Variants in PRKG1 observed in about 807,000 individuals in gnomAD.
PRKG1 encodes the protein protein kinase cGMP-dependent 1.
Under a neutral mutation model 88.1 loss-of-function variants are expected in PRKG1, and 35 were observed. The observed-to-expected ratio is 0.40, with a 90% CI of 0.30 to 0.53. PRKG1 has a LOEUF of 0.53. Ranked by LOEUF, PRKG1 falls within the 20% of genes least tolerant of loss-of-function variation. The pLI is 0.59. For missense variants in PRKG1, 540 were observed against 839.8 expected (o/e 0.64, Z 4.41); for synonymous variants, 303 against 292.5 (o/e 1.04, Z -0.37).
intron 5 of PRKG1, 52 bp downstream of exon 5, chr10:51,907,622 C>G (rs1438113197): frequency 6.6e-7 from 1 of 1,510,898 alleles, no homozygotes; most frequent in Admixed American, 1.7e-5. Context: ...GCCTGCTTGG[C>G]TGGCTTCTTT....
At chr10:51,728,617 GGAATACATCT>G (rs1489402478) in intron 3 of PRKG1, among the ~76,000 whole-genome samples, 19 of 152,046 alleles carry the variant, frequency 1.2e-4, no homozygotes, top group African/African-American at 4.3e-4. Context: ...GTTATTTTAT[GGAATACATCT>G]GAACTAGTGC....
chr10:51,019,774 G>C (rs568234684), intron 1 of PRKG1, among the ~76,000 whole-genome samples: 1 of 151,774 alleles, frequency 6.6e-6, no homozygotes, highest in East Asian at 1.9e-4. Flanking sequence ...AGAATATGTA[G>C]AGAACTCCTG....
intron 5 of PRKG1, among the ~76,000 whole-genome samples, chr10:52,033,352 C>G (rs76892469): frequency 0.014 from 2,203 of 152,256 alleles, 45 homozygotes; most frequent in African/African-American, 0.049. Context: ...GTTGATAAAA[C>G]AACAGCACAC....
At chr10:51,629,990 C>T (rs945494144) in intron 3 of PRKG1, among the ~76,000 whole-genome samples, 5 of 152,214 alleles carry the variant, frequency 3.3e-5, no homozygotes, top group African/African-American at 9.6e-5. Flanking sequence ...CTGTATCTGC[C>T]GACTTGAACA....
chr10:51,107,802 C>A (rs1420275095), intron 1 of PRKG1, among the ~76,000 whole-genome samples: 8 of 115,958 alleles, frequency 6.9e-5, no homozygotes, highest in African/African-American at 2.1e-4. Context: ...CAGAGCAAAA[C>A]CCTGTCTCAA....
chr10:51,153,213 A>T lies in PRKG1; in HGVS notation c.361A>T (p.Asn121Tyr). The change falls in exon 2 of 18, where the codon AAC becomes TAC. Residue 121 changes from asparagine to tyrosine, a missense_variant. Coordinates refer to ENST00000373980, the MANE Select transcript of PRKG1 (RefSeq NM_006258.4). ...TATCCTTGACAATGACTTTATGAAG[A>T]ACTTGGAGCTGTCGCAGATCCAGGA... ...EAILDNDFMK[N>Y]LELSQIQEIV... is the part of the protein sequence containing the mutation. 6.2e-7 allele frequency: 1 copy of T among 1,612,568 alleles called. No individual in the cohort carries two copies. The highest frequency in any genetic ancestry group is 8.5e-7 in the Non-Finnish European group (1 of 1,178,970).
At chr10:51,254,918 G>A (rs963243827) in intron 2 of PRKG1, among the ~76,000 whole-genome samples, 3 of 151,994 alleles carry the variant, frequency 2.0e-5, no homozygotes, top group African/African-American at 7.2e-5. Flanking sequence ...TGAACTGAAG[G>A]AAATGTAATT....
intron 2 of PRKG1, among the ~76,000 whole-genome samples, chr10:51,210,302 A>G (rs562917474): frequency 6.6e-6 from 1 of 152,320 alleles, no homozygotes; most frequent in South Asian, 2.1e-4. Context: ...AATCTCTGGG[A>G]CACATTCAAA....
At chr10:51,864,653 T>A (rs1452400860) in intron 4 of PRKG1, among the ~76,000 whole-genome samples, 1 of 152,208 alleles carries the variant, frequency 6.6e-6, no homozygotes, top group Non-Finnish European at 1.5e-5. Flanking sequence ...TTGGGTATAT[T>A]TACAGTAGGT....
At chr10:51,908,734 A>ATATATATATTTTTTTTT (rs563212069) in intron 5 of PRKG1, 8 of 52,220 alleles carry the variant, frequency 1.5e-4, no homozygotes, top group South Asian at 4.7e-4. Context: ...TCTATATGTA[A>ATATATATATTTTTTTTT]TTTTTTTTTT....
intron 5 of PRKG1, among the ~76,000 whole-genome samples, chr10:51,911,466 G>A (rs1842215333): frequency 6.6e-6 from 1 of 152,120 alleles, no homozygotes; most frequent in Non-Finnish European, 1.5e-5. Context: ...AAATGTTTTA[G>A]TATTTTATGT....
chr10:51,559,010 G>T (rs79087881), intron 3 of PRKG1, among the ~76,000 whole-genome samples: 1,778 of 152,068 alleles, frequency 0.012, 32 homozygotes, highest in Middle Eastern at 0.048. Context: ...CAGAAGAGAC[G>T]ACATTCACAT....
At chr10:51,383,544 G>A (rs1837169863) in intron 2 of PRKG1, among the ~76,000 whole-genome samples, 1 of 152,138 alleles carries the variant, frequency 6.6e-6, no homozygotes, top group South Asian at 2.1e-4. Context: ...TAAGTACCTT[G>A]CCCAAGTACA....
At position 51,931,977 on chromosome 10, in the gene PRKG1, C is replaced by T. The variant is rs182377974; in HGVS notation, c.762+24407C>T. Among the ~76,000 whole-genome samples, 794 of 152,136 alleles carry T rather than the reference C, an allele frequency of 5.2e-3. 8 individuals carry two copies. Among genetic ancestry groups the T allele is most frequent in the African/African-American group, 0.018 (759 of 41,526 alleles). ...TAAATCCTTGATATGTTTGAAAATC[C>T]TGGTGTTATTTTCAGTTTTTCTCTG... On this transcript the variant is annotated intron_variant, in intron 5 of 17. Transcript: ENST00000373980.
At chr10:51,058,964 T>C (rs1300386295) in intron 1 of PRKG1, among the ~76,000 whole-genome samples, 1 of 152,228 alleles carries the variant, frequency 6.6e-6, no homozygotes, top group Non-Finnish European at 1.5e-5. Flanking sequence ...CTTATGTATG[T>C]AGGTTTATTT....
In PRKG1 at chr10:51,250,881, G is replaced by T. The variant is rs181789209; in HGVS notation, c.478+97551G>T. Among the ~76,000 whole-genome samples, 8 of 151,852 alleles carry T rather than the reference G, an allele frequency of 5.3e-5. No individual in the cohort carries two copies. In the East Asian group the frequency reaches 5.8e-4, roughly 11 times the overall value. ...TCTATGCCTTCCAGCCCTACACCCT[G>T]TGTTGGTAGTGTTACTGTTATTCCT... On this transcript the variant is annotated intron_variant, in intron 2 of 17. Transcript: ENST00000373980.
intron 1 of PRKG1, among the ~76,000 whole-genome samples, chr10:51,045,166 G>T (rs962698811): frequency 3.3e-5 from 5 of 152,066 alleles, no homozygotes; most frequent in African/African-American, 1.2e-4. Flanking sequence ...CGATCAAAAA[G>T]TCCTTCTAGG....
chr10:52,022,838 A>G (rs577856344), intron 5 of PRKG1, among the ~76,000 whole-genome samples: 49 of 152,312 alleles, frequency 3.2e-4, no homozygotes, highest in Admixed American at 2.6e-4. Context: ...TTATTTAGGA[A>G]TATGGAAATG....
intron 3 of PRKG1, among the ~76,000 whole-genome samples, chr10:51,516,190 A>C (rs2132069315): frequency 6.6e-6 from 1 of 152,242 alleles, no homozygotes; most frequent in South Asian, 2.1e-4. Context: ...GGGAGCTGGA[A>C]TGCTGGAATG....
Sources: gnomAD v4.1 joint callset for allele counts (sites outside exome capture counted in the v4.1 genomes callset) on GRCh38, gnomAD v4.1.1 for gene constraint, MANE v1.5 for transcripts, NCBI Gene and HGNC (gene_info 2026-07-23, HGNC 2026-07-21) for gene names.